VLDLR: variants seen among roughly 807,000 people sequenced by gnomAD.
The protein encoded by VLDLR is very low density lipoprotein receptor.
In VLDLR, 81 loss-of-function variants were observed where a neutral mutation model predicts 112.7. The observed-to-expected ratio is 0.72, with a 90% CI of 0.60 to 0.86. The LOEUF (loss-of-function observed/expected upper bound fraction) is 0.86. Among genes scored for constraint, VLDLR ranks in the 40% least tolerant of loss-of-function variants. VLDLR has a pLI of 0.00. For missense variants in VLDLR, 1,237 were observed against 1,099.4 expected (o/e 1.13, Z -1.77); for synonymous variants, 436 against 384.8 (o/e 1.13, Z -1.56).
chr9:2,624,559 A>T (rs186517290), intron 1 of VLDLR, among the ~76,000 whole-genome samples: 1 of 152,334 alleles, frequency 6.6e-6, no homozygotes, highest in African/African-American at 2.4e-5. Flanking sequence ...GTGGTATGAT[A>T]TATTCTTTAA....
intron 1 of VLDLR, among the ~76,000 whole-genome samples, chr9:2,623,135 C>G (rs1044504358): frequency 6.6e-6 from 1 of 152,222 alleles, no homozygotes; most frequent in South Asian, 2.1e-4. Flanking sequence ...CACAATAGCT[C>G]AAAGGAGCAG....
intron 3 of VLDLR, 152 bp downstream of exon 3, chr9:2,640,133 A>G: frequency 8.1e-7 from 1 of 1,241,032 alleles, no homozygotes; most frequent in Non-Finnish European, 1.2e-6. Context: ...AATCATTACC[A>G]GTTTATCAGC....
intron 2 of VLDLR, among the ~76,000 whole-genome samples, chr9:2,638,629 T>G (rs1304428615): frequency 1.3e-5 from 2 of 152,222 alleles, no homozygotes; most frequent in African/African-American, 4.8e-5. Context: ...ATAATCAAGC[T>G]GCCCGATTTG....
At chr9:2,645,424 G>C in intron 9 of VLDLR, 150 bp from the exon 10 acceptor site, 2 of 998,612 alleles carry the variant, frequency 2.0e-6, no homozygotes, top group Non-Finnish European at 1.5e-6. Flanking sequence ...AGCACTTGCA[G>C]GTCCCAGGGG....
rs878918481 is a variant in VLDLR at position 2,639,909 on chromosome 9, G to A, written c.253G>A (p.Val85Ile). The change falls in exon 3 of 19, where the codon GTT (valine) becomes ATT (isoleucine). Residue 85 changes from valine to isoleucine, a missense_variant. Coordinates refer to ENST00000382100, the MANE Select transcript of VLDLR (RefSeq NM_003383.5). ...SDFVCNNGQC[V>I]PSRWKCDGDP... ...CTTCGTGTGCAACAATGGCCAGTGT[G>A]TTCCCAGCCGATGGAAGTGTGATGG... The A allele has an allele frequency of 1.2e-6, 2 of 1,614,192 alleles. No homozygotes were observed. Among genetic ancestry groups the A allele is most frequent in the South Asian group, 1.1e-5 (1 of 91,080 alleles).
intron 1 of VLDLR, among the ~76,000 whole-genome samples, chr9:2,626,599 G>A (rs1817099449): frequency 6.6e-6 from 1 of 152,206 alleles, no homozygotes; most frequent in Admixed American, 6.5e-5. Flanking sequence ...TTCAATGCTT[G>A]CTTAGAGATC....
rs1563770988 is a variant in VLDLR, at chr9:2,654,661, A to G, written c.*793A>G. 1 of 152,196 alleles carries G rather than the reference A, an allele frequency of 6.6e-6. No individual in the cohort carries two copies. Among genetic ancestry groups the G allele is most frequent in the African/African-American group, 2.4e-5 (1 of 41,444 alleles). 9.4% of individuals were successfully genotyped at this position (152,196 alleles called of 1,614,324 possible). On this transcript the variant is annotated 3_prime_UTR_variant, in exon 19 of 19. Transcript: ENST00000382100. ...ACTGTTTAACATTTGCTCCCGAAAT[A>G]TTTCTTACTGTGTAAAAGAAGCTAG...
chr9:2,624,661 G>C (rs1040979622), intron 1 of VLDLR, among the ~76,000 whole-genome samples: 4 of 152,228 alleles, frequency 2.6e-5, no homozygotes, highest in Non-Finnish European at 5.9e-5. Flanking sequence ...CCCTCATTGT[G>C]AGAAGTGGGT....
intron 7 of VLDLR, 32 bp from the exon 8 acceptor site, chr9:2,644,702 G>A (rs749342953): frequency 6.2e-7 from 1 of 1,613,838 alleles, no homozygotes; most frequent in Non-Finnish European, 8.5e-7. Flanking sequence ...TTGAAAATAA[G>A]TTGTCAAGTG....
In VLDLR at chr9:2,659,921, T is replaced by C. The variant is rs934369864; in HGVS notation, c.*6053T>C. 2.6e-5 allele frequency: 4 copies of C among 152,210 alleles called. No homozygotes were observed. The highest frequency in any genetic ancestry group is 9.6e-5 in the African/African-American group (4 of 41,458). 9.4% of individuals were successfully genotyped at this position (152,210 alleles called of 1,614,324 possible). A position where few individuals can be genotyped will look rare whatever the true frequency, so the allele number is the denominator to read the frequency against. On this transcript the variant is annotated 3_prime_UTR_variant, in exon 19 of 19. Coordinates refer to ENST00000382100, the MANE Select transcript of VLDLR (RefSeq NM_003383.5). ...TGTAATGCCTCAGGAGTCCGGCATA[T>C]ACAACCAAATTATCATGCTCAGGAT...
At chr9:2,624,176 C>T (rs1444829338) in intron 1 of VLDLR, among the ~76,000 whole-genome samples, 1 of 152,190 alleles carries the variant, frequency 6.6e-6, no homozygotes, top group Non-Finnish European at 1.5e-5. Flanking sequence ...TTCACTTTGT[C>T]ACATGTGAAA....
chr9:2,647,059 A>C lies in VLDLR; in HGVS notation c.1704-415A>C, dbSNP rs557885428. On this transcript the variant is annotated intron_variant, in intron 11 of 18. Coordinates refer to ENST00000382100, the MANE Select transcript of VLDLR (RefSeq NM_003383.5). ...GGGTTCTGTAAATTGCCACTAAGTAACATAGAAGAGCAGCTCAGGAAGTTG... is the reference window on the plus strand; with the variant it reads ...GGGTTCTGTAAATTGCCACTAAGTACCATAGAAGAGCAGCTCAGGAAGTTG... 4.6e-5 allele frequency among the ~76,000 whole-genome samples: 7 copies of C among 152,246 alleles called. No homozygotes were observed. In the South Asian group the frequency reaches 1.5e-3, roughly 32 times the overall value.
intron 11 of VLDLR, among the ~76,000 whole-genome samples, chr9:2,647,162 T>C (rs1818113792): frequency 1.3e-5 from 2 of 152,188 alleles, no homozygotes; most frequent in African/African-American, 4.8e-5. Flanking sequence ...ACCCCTGCTA[T>C]GAAATTTGAA....
chr9:2,652,374 C>A lies in VLDLR; in HGVS notation c.2417-406C>A, dbSNP rs553947483. Among the ~76,000 whole-genome samples the A allele has an allele frequency of 6.6e-5, 10 of 152,282 alleles. No homozygotes were observed. The East Asian group carries it at 1.9e-3, about 29-fold the overall frequency. The stretch of plus-strand genomic sequence containing the variant: ...TTAAAAGCAGTTAAGAATTTTCAAA[C>A]CTATGGAAAAGGACCTCTAAACGAG... On this transcript the variant is annotated intron_variant, in intron 17 of 18. Coordinates refer to ENST00000382100, the MANE Select transcript of VLDLR (RefSeq NM_003383.5).
intron 1 of VLDLR, among the ~76,000 whole-genome samples, chr9:2,626,829 A>G (rs1817113080): frequency 6.6e-6 from 1 of 152,176 alleles, no homozygotes; most frequent in Admixed American, 6.5e-5. Flanking sequence ...TTAGAACTTA[A>G]TAGTTCTCCC....
chr9:2,623,301 G>A (rs1816923960), intron 1 of VLDLR, among the ~76,000 whole-genome samples: 1 of 152,220 alleles, frequency 6.6e-6, no homozygotes, highest in African/African-American at 2.4e-5. Flanking sequence ...GCGACAGGAA[G>A]CCTTTCTGAG....
chr9:2,647,620 C>T lies in VLDLR; in HGVS notation c.1822+28C>T, dbSNP rs34761809. 9.9e-5 allele frequency: 154 copies of T among 1,557,374 alleles called. No individual in the cohort carries two copies. The African/African-American group carries it at 2.0e-3, about 20-fold the overall frequency. ...ATGTATGTTCTTCCTTCTCGACCAC[C>T]CACTCAACTATCTTCATAGTGTTTC... On this transcript the variant is annotated intron_variant, in intron 12 of 18. Coordinates refer to ENST00000382100, the MANE Select transcript of VLDLR (RefSeq NM_003383.5).
In VLDLR at chr9:2,650,449, C is replaced by T. The variant is rs1476716726; in HGVS notation, c.2184C>T (p.His728=). ...LCLPAPQIND[H]SPKYTCSCPS... Reference sequence around the variant, plus strand: ...TGCCAGCACCACAGATTAATGATCACTCTCCAAAATATACCTGTTCCTGTC... The same window carrying T: ...TGCCAGCACCACAGATTAATGATCATTCTCCAAAATATACCTGTTCCTGTC... Residue 728 remains histidine, a synonymous_variant, in exon 15 of 19, where the codon CAC becomes CAT. Transcript: ENST00000382100. The T allele has an allele frequency of 3.5e-5, 56 of 1,613,986 alleles. No individual in the cohort carries two copies. Among genetic ancestry groups the T allele is most frequent in the Non-Finnish European group, 4.2e-5 (49 of 1,180,038 alleles).
Position 2,641,361 on chromosome 9 carries a change from T to G in VLDLR, c.326-16T>G, listed in dbSNP as rs774394974. 6.2e-7 allele frequency: 1 copy of G among 1,614,012 alleles called. No individual in the cohort carries two copies. Among genetic ancestry groups the G allele is most frequent in the Non-Finnish European group, 8.5e-7 (1 of 1,179,888 alleles). On this transcript the variant is annotated splice_polypyrimidine_tract_variant and intron_variant, in intron 3 of 18. Transcript: ENST00000382100. Reference sequence around the variant, plus strand: ...ATCAGTTCTGAGGCTCTTTTGAGACTGTATATCATCAACAGATATGAGAAC... The same window carrying G: ...ATCAGTTCTGAGGCTCTTTTGAGACGGTATATCATCAACAGATATGAGAAC...
Sources: allele counts gnomAD v4.1 joint callset (sites outside exome capture counted in the v4.1 genomes callset), GRCh38; gene constraint gnomAD v4.1.1; transcripts MANE v1.5; gene names NCBI Gene and HGNC (gene_info 2026-07-23, HGNC 2026-07-21).